Variants in ST8SIA5 observed in about 807,000 individuals in gnomAD.
ST8SIA5 encodes the protein ST8 alpha-N-acetyl-neuraminide alpha-2,8-sialyltransferase 5.
Under a neutral mutation model 40.2 loss-of-function variants are expected in ST8SIA5, and 24 were observed. The observed-to-expected ratio is 0.60, with a 90% CI of 0.43 to 0.84. ST8SIA5 has a LOEUF of 0.84. Among genes scored for constraint, ST8SIA5 ranks in the 40% least tolerant of loss-of-function variants. ST8SIA5 has a pLI of 0.00. For missense variants in ST8SIA5, 465 were observed against 498.5 expected (o/e 0.93, Z 0.64); for synonymous variants, 198 against 201.8 (o/e 0.98, Z 0.16).
At position 46,756,584 on chromosome 18, in the gene ST8SIA5, G is replaced by A; in HGVS notation, c.-76C>T. ...CTCGCGGGGTTCCGGGGCCCCGGGG[G>A]GCGCGCGGCCGACTTGGCGCCTCAC... is the stretch of plus-strand genomic sequence containing the variant. On this transcript the variant is annotated 5_prime_UTR_variant, in exon 1 of 7. Coordinates refer to ENST00000315087, the MANE Select transcript of ST8SIA5 (RefSeq NM_013305.6). The A allele has an allele frequency of 6.7e-7, 1 of 1,501,414 alleles. No individual in the cohort carries two copies. 93.0% of individuals were successfully genotyped at this position (1,501,414 alleles called of 1,614,324 possible).
chr18:46,704,928 G>A (rs2144501510), intron 1 of ST8SIA5, among the ~76,000 whole-genome samples: 1 of 152,340 alleles, frequency 6.6e-6, no homozygotes, highest in African/African-American at 2.4e-5. Flanking sequence ...AGCACACAGG[G>A]AAATTCAGAA....
intron 1 of ST8SIA5, among the ~76,000 whole-genome samples, chr18:46,728,186 T>A (rs1250614215): frequency 4.2e-5 from 6 of 144,488 alleles, no homozygotes; most frequent in African/African-American, 1.6e-4. Context: ...AGAGCGAGAC[T>A]CCATCTCAAA....
intron 2 of ST8SIA5, among the ~76,000 whole-genome samples, chr18:46,696,550 A>G (rs1017331108): frequency 4.6e-5 from 7 of 152,300 alleles, no homozygotes; most frequent in African/African-American, 7.2e-5. Flanking sequence ...CAATCTTGCA[A>G]TGTAACCTTG....
intron 1 of ST8SIA5, among the ~76,000 whole-genome samples, chr18:46,741,793 T>A (rs555831631): frequency 6.6e-6 from 1 of 152,328 alleles, no homozygotes; most frequent in South Asian, 2.1e-4. Flanking sequence ...AAAGTACTTA[T>A]AAAATTAATA....
intron 1 of ST8SIA5, among the ~76,000 whole-genome samples, chr18:46,738,535 G>T (rs1195765094): frequency 2.0e-5 from 3 of 152,188 alleles, no homozygotes. Context: ...TGGATCACTT[G>T]CTGGCCTCAC....
chr18:46,716,288 A>G (rs1196470169), intron 1 of ST8SIA5, among the ~76,000 whole-genome samples: 2 of 152,226 alleles, frequency 1.3e-5, no homozygotes, highest in Admixed American at 1.3e-4. Flanking sequence ...GGCACCCAGT[A>G]TAGTGCCTGG....
intron 1 of ST8SIA5, among the ~76,000 whole-genome samples, chr18:46,705,797 G>C (rs905831670): frequency 3.9e-5 from 6 of 152,252 alleles, no homozygotes; most frequent in African/African-American, 1.4e-4. Context: ...CATGGGATCA[G>C]TGGCCTGGCA....
chr18:46,692,264 T>C lies in ST8SIA5; in HGVS notation c.225-9A>G. 6.2e-7 allele frequency: 1 copy of C among 1,613,760 alleles called. No individual in the cohort carries two copies. ...GCTCTGACTGCTTCACCCTTGGGAG[T>C]AGAGGACAGAAGAGTACATGAGCAG... On this transcript the variant is annotated splice_polypyrimidine_tract_variant and intron_variant, in intron 2 of 6. Transcript: ENST00000315087.
intron 1 of ST8SIA5, among the ~76,000 whole-genome samples, chr18:46,729,880 G>C (rs1198051619): frequency 6.6e-6 from 1 of 152,136 alleles, no homozygotes; most frequent in Non-Finnish European, 1.5e-5. Context: ...GAAGAGTCCA[G>C]AGGTTAGGGG....
chr18:46,753,169 C>T (rs4121686), intron 1 of ST8SIA5, among the ~76,000 whole-genome samples: 29,862 of 152,184 alleles, frequency 0.2, 3,103 homozygotes, highest in East Asian at 0.4. Flanking sequence ...AATCCCTGCG[C>T]GCACACACAT....
intron 1 of ST8SIA5, among the ~76,000 whole-genome samples, chr18:46,728,203 A>G (rs573466773): frequency 3.9e-5 from 6 of 152,084 alleles, no homozygotes; most frequent in African/African-American, 1.4e-4. Flanking sequence ...CAAAAAAAAA[A>G]AAAAAACTAT....
At chr18:46,743,856 A>G (rs773306464) in intron 1 of ST8SIA5, among the ~76,000 whole-genome samples, 17 of 152,252 alleles carry the variant, frequency 1.1e-4, no homozygotes, top group Non-Finnish European at 1.8e-4. Flanking sequence ...ATCAACTAAC[A>G]GCGGATCTCT....
chr18:46,710,546 C>CTTT (rs371889933), intron 1 of ST8SIA5, among the ~76,000 whole-genome samples: 1 of 125,718 alleles, frequency 8.0e-6, no homozygotes. Flanking sequence ...TTCTTTCTCT[C>CTTT]TTTTTTTTTT....
intron 1 of ST8SIA5, among the ~76,000 whole-genome samples, chr18:46,753,280 C>G (rs935998882): frequency 2.6e-5 from 4 of 152,144 alleles, no homozygotes; most frequent in African/African-American, 9.7e-5. Flanking sequence ...GGGAACAAAA[C>G]AGAGCAAATT....
rs116891518 is a variant in ST8SIA5 at position 46,708,528 on chromosome 18, T to C, written c.132-3864A>G. Among the ~76,000 whole-genome samples the C allele has an allele frequency of 1.3e-3, 199 of 152,268 alleles. 3 individuals carry two copies. In the East Asian group the frequency reaches 0.023, roughly 18 times the overall value. ...CTAGCCTGTGAGTGCACCTTTCATT[T>C]GCAAACCAATCCAGAGCCCATGCCC... is the stretch of plus-strand genomic sequence containing the variant. On this transcript the variant is annotated intron_variant, in intron 1 of 6. Coordinates refer to ENST00000315087, the MANE Select transcript of ST8SIA5 (RefSeq NM_013305.6).
At chr18:46,733,294 C>T (rs948516887) in intron 1 of ST8SIA5, among the ~76,000 whole-genome samples, 8 of 152,182 alleles carry the variant, frequency 5.3e-5, no homozygotes, top group Non-Finnish European at 1.0e-4. Context: ...TGTATAATTG[C>T]TTTTCTATTG....
In ST8SIA5 at chr18:46,682,018, C is replaced by A. The variant is rs778689422; in HGVS notation, c.616G>T (p.Val206Leu). ...ISEKYTMDVG[V>L]KTDVVTVNPS... ...TTCACAGTGACCACATCCGTCTTCA[C>A]CCCCACATCCATGGTGTACTTCTCT... The change falls in exon 6 of 7, where the codon GTG becomes TTG. Residue 206 changes from valine to leucine, a missense_variant. Val to Leu is a conservative substitution (Grantham distance 32). Coordinates refer to ENST00000315087, the MANE Select transcript of ST8SIA5 (RefSeq NM_013305.6). The A allele has an allele frequency of 6.8e-6, 11 of 1,613,420 alleles. No homozygotes were observed. Among genetic ancestry groups the A allele is most frequent in the Non-Finnish European group, 9.3e-6 (11 of 1,179,786 alleles).
chr18:46,745,956 C>T (rs988990536), intron 1 of ST8SIA5, among the ~76,000 whole-genome samples: 8 of 152,028 alleles, frequency 5.3e-5, no homozygotes, highest in South Asian at 2.1e-4. Flanking sequence ...ACAGAACCAA[C>T]GACAAAAAAC....
Position 46,713,326 on chromosome 18 carries a change from G to A in ST8SIA5, c.132-8662C>T, listed in dbSNP as rs1167628451. Among the ~76,000 whole-genome samples, 5 of 152,274 alleles carry A rather than the reference G, an allele frequency of 3.3e-5. No individual in the cohort carries two copies. The East Asian group carries it at 5.8e-4, about 18-fold the overall frequency. On this transcript the variant is annotated intron_variant, in intron 1 of 6. Coordinates refer to ENST00000315087, the MANE Select transcript of ST8SIA5 (RefSeq NM_013305.6). ...TAGGACTTCAGCTTGAACAACTAGCGGGATGACATAACCATTTAAAGGTTA... is the reference window on the plus strand; with the variant it reads ...TAGGACTTCAGCTTGAACAACTAGCAGGATGACATAACCATTTAAAGGTTA...
Sources: allele counts gnomAD v4.1 joint callset (sites outside exome capture counted in the v4.1 genomes callset), GRCh38; gene constraint gnomAD v4.1.1; transcripts MANE v1.5; gene names NCBI Gene and HGNC (gene_info 2026-07-23, HGNC 2026-07-21).